HEXA: variants seen among roughly 807,000 people sequenced by gnomAD.
The protein encoded by HEXA is hexosaminidase subunit alpha, also known as beta-hexosaminidase subunit alpha.
HEXA carries 54 observed loss-of-function variants against 73.3 expected under a neutral mutation model. The observed-to-expected ratio is 0.74, with a 90% CI of 0.59 to 0.92. The LOEUF (loss-of-function observed/expected upper bound fraction) is 0.92. Ranked by LOEUF, HEXA falls within the 40% of genes least tolerant of loss-of-function variation. The probability of loss-of-function intolerance (pLI) is 0.00; values close to 1 mark genes in which losing one functional copy is unlikely to be tolerated. For synonymous variants in HEXA, 230 were observed against 246.9 expected, an observed-to-expected ratio of 0.93 and a Z score of 0.64; for missense variants, 649 against 653.0, an observed-to-expected ratio of 0.99 and a Z score of 0.07.
Position 72,346,182 on chromosome 15 carries a change from G to A in HEXA, c.1421+53C>T, listed in dbSNP as rs180761893. 2.1e-5 allele frequency: 28 copies of A among 1,348,834 alleles called. No individual in the cohort carries two copies. In the East Asian group the frequency reaches 6.0e-4, roughly 29 times the overall value. The allele number at this position is 1,348,834 out of a possible 1,614,324, so 83.6% of individuals were successfully genotyped here. On this transcript the variant is annotated intron_variant, in intron 12 of 13. Coordinates refer to ENST00000268097, the MANE Select transcript of HEXA (RefSeq NM_000520.6). ...GCTAGATGGGATTGGGTCTCTAAGG[G>A]AGAACTCCTGCTCTCAGGCCCAACC...
At position 72,347,704 on chromosome 15, in the gene HEXA, C is replaced by T; in HGVS notation, c.1128G>A (p.Val376=). Residue 376 remains valine, a synonymous_variant, in exon 10 of 14, where the codon GTG becomes GTA. Transcript: ENST00000268097. The stretch of plus-strand genomic sequence containing the variant: ...GGCTCACCTTTACTTTATTATCAAA[C>T]ACCTCCTGCCACACCACATAGCCCT... ...YGKGYVVWQE[V]FDNKVKIQPD... 1 of 1,614,198 alleles carries T rather than the reference C, an allele frequency of 6.2e-7. No individual in the cohort carries two copies. Among genetic ancestry groups the T allele is most frequent in the Non-Finnish European group, 8.5e-7 (1 of 1,180,016 alleles).
At chr15:72,356,788 T>C (rs2088790568) in intron 1 of HEXA, 171 bp from the exon 2 acceptor site, 2 of 968,716 alleles carry the variant, frequency 2.1e-6, no homozygotes, top group African/African-American at 1.6e-5. Flanking sequence ...GCTGTCTCAC[T>C]CTCGTTGTGC....
chr15:72,368,318 G>A (rs1355387799), intron 1 of HEXA, among the ~76,000 whole-genome samples: 2 of 152,178 alleles, frequency 1.3e-5, no homozygotes, highest in Non-Finnish European at 2.9e-5. Flanking sequence ...ACAAAGACGT[G>A]TATGAGTATA....
In HEXA at chr15:72,353,072, G is replaced by C. The variant is rs753831831; in HGVS notation, c.566C>G (p.Thr189Ser). 1.3e-6 allele frequency: 2 copies of C among 1,596,744 alleles called. No homozygotes were observed. Among genetic ancestry groups the C allele is most frequent in the South Asian group, 2.2e-5 (2 of 90,748 alleles). The change falls in exon 5 of 14, where the codon ACT (threonine) becomes AGT (serine). Residue 189 changes from threonine (T) to serine (S), a missense_variant. Coordinates refer to ENST00000268097, the MANE Select transcript of HEXA (RefSeq NM_000520.6). ...HYLPLSSILD[T>S]LDVMAYNKLN... ...AAGGCCTTAAGGCCTGGTTACCAGA[G>C]TGTCCAGGATGCTAGAGAGTGGCAG...
At chr15:72,372,847 G>A (rs542688189) in intron 1 of HEXA, among the ~76,000 whole-genome samples, 2 of 152,200 alleles carry the variant, frequency 1.3e-5, no homozygotes, top group African/African-American at 2.4e-5. Flanking sequence ...GAAAAACACT[G>A]GGCTGGTCAG....
intron 2 of HEXA, 127 bp from the exon 3 acceptor site, chr15:72,355,751 C>A: frequency 1.4e-6 from 1 of 728,670 alleles, no homozygotes; most frequent in African/African-American, 1.8e-5. Context: ...TTTAAAAAAT[C>A]TTTCAATGAG....
intron 1 of HEXA, among the ~76,000 whole-genome samples, chr15:72,370,925 T>C (rs1302542881): frequency 1.3e-5 from 2 of 152,224 alleles, no homozygotes; most frequent in Non-Finnish European, 2.9e-5. Context: ...AACCCCTTCA[T>C]GAGAAAAAGT....
chr15:72,351,399 G>A, intron 5 of HEXA, 165 bp from the exon 6 acceptor site: 6 of 681,026 alleles, frequency 8.8e-6, no homozygotes, highest in South Asian at 1.6e-5. Context: ...CTTCCCATCA[G>A]GGAGGGATGG....
At position 72,348,546 on chromosome 15, in the gene HEXA, C is replaced by T. The variant is rs566827881; in HGVS notation, c.987-412G>A. ...CTTGCGTTATGACGTCCACATTTTG[C>T]TCACATTGTTCTCCTTCTGGAATAT... is the stretch of plus-strand genomic sequence containing the variant. On this transcript the variant is annotated intron_variant, in intron 8 of 13. Transcript: ENST00000268097. 5.9e-5 allele frequency among the ~76,000 whole-genome samples: 9 copies of T among 152,322 alleles called. No individual in the cohort carries two copies. The East Asian group carries it at 1.2e-3, about 20-fold the overall frequency.
intron 1 of HEXA, among the ~76,000 whole-genome samples, chr15:72,375,415 C>T (rs1353447079): frequency 6.6e-6 from 1 of 152,174 alleles, no homozygotes; most frequent in African/African-American, 2.4e-5. Context: ...TGAGTGTTTT[C>T]TCTGGTCTCT....
chr15:72,371,151 C>T (rs2088986486), intron 1 of HEXA, among the ~76,000 whole-genome samples: 1 of 152,138 alleles, frequency 6.6e-6, no homozygotes. Flanking sequence ...TGTTTCCCTC[C>T]TAGATGCAAT....
At chr15:72,351,566 A>G (rs1406887460) in intron 5 of HEXA, 1 of 416,080 alleles carries the variant, frequency 2.4e-6, no homozygotes, top group Non-Finnish European at 4.5e-6. Context: ...AAGCCTGAAG[A>G]TCAATACTTC....
At chr15:72,353,535 A>C (rs1267126249) in intron 4 of HEXA, among the ~76,000 whole-genome samples, 156 bp downstream of exon 4, 1 of 152,212 alleles carries the variant, frequency 6.6e-6, no homozygotes, top group African/African-American at 2.4e-5. Flanking sequence ...CAAATCTACC[A>C]AACCAGTTTT....
At chr15:72,366,399 C>T (rs1282558302) in intron 1 of HEXA, among the ~76,000 whole-genome samples, 1 of 151,862 alleles carries the variant, frequency 6.6e-6, no homozygotes, top group African/African-American at 2.4e-5. Flanking sequence ...ATCTCCGCCT[C>T]CCAGGCTCAA....
chr15:72,364,480 C>T (rs2088891142), intron 1 of HEXA, among the ~76,000 whole-genome samples: 1 of 151,960 alleles, frequency 6.6e-6, no homozygotes. Context: ...TGTAGACATT[C>T]GGTAATGTTT....
intron 1 of HEXA, chr15:72,370,648 G>T: frequency 2.6e-6 from 1 of 389,094 alleles, no homozygotes; most frequent in Non-Finnish European, 4.5e-6. Context: ...TGTAAGCCGT[G>T]ATCACACCAC....
chr15:72,344,874 C>G (rs2912217), intron 13 of HEXA, among the ~76,000 whole-genome samples: 138,059 of 152,204 alleles, frequency 0.91, 64,235 homozygotes, highest in East Asian at 1. Flanking sequence ...GGTGTCATGA[C>G]ATCCTGTAAG....
At chr15:72,348,992 G>T in intron 8 of HEXA, 87 bp downstream of exon 8, 1 of 1,066,696 alleles carries the variant, frequency 9.4e-7, no homozygotes, top group Non-Finnish European at 1.5e-6. Context: ...GAGAGCAGCA[G>T]CTGAGCTAAG....
At chr15:72,345,343 G>T in intron 13 of HEXA, 103 bp downstream of exon 13, 1 of 1,558,362 alleles carries the variant, frequency 6.4e-7, no homozygotes, top group Non-Finnish European at 8.7e-7. Flanking sequence ...ATAAGCCTCT[G>T]TAAGTGTTAG....
Sources: allele counts gnomAD v4.1 joint callset (sites outside exome capture counted in the v4.1 genomes callset), GRCh38; gene constraint gnomAD v4.1.1; transcripts MANE v1.5; gene names NCBI Gene and HGNC (gene_info 2026-07-23, HGNC 2026-07-21).